Variants in ZPLD1 observed in about 807,000 individuals in gnomAD.
ZPLD1 encodes zona pellucida like domain containing 1, also known as zona pellucida-like domain-containing protein 1.
ZPLD1 carries 34 observed loss-of-function variants against 47.2 expected under a neutral mutation model. The observed-to-expected ratio is 0.72, with a 90% confidence interval of 0.55 to 0.96. The LOEUF (loss-of-function observed/expected upper bound fraction) is 0.96, where lower values mean the gene tolerates loss of function less well. Among genes scored for constraint, ZPLD1 ranks in the 40% least tolerant of loss-of-function variants. ZPLD1 has a pLI of 0.00. For missense variants in ZPLD1, 512 were observed against 505.8 expected, an observed-to-expected ratio of 1.01 and a Z score of -0.12; for synonymous variants, 176 against 186.2, an observed-to-expected ratio of 0.95 and a Z score of 0.45.
chr3:102,385,728 T>G (rs1411632030), intron 6 of ZPLD1, among the ~76,000 whole-genome samples: 2 of 152,242 alleles, frequency 1.3e-5, no homozygotes, highest in African/African-American at 4.8e-5. Flanking sequence ...AAGATTTATT[T>G]TGCTGTCTAA....
intron 7 of ZPLD1, among the ~76,000 whole-genome samples, chr3:102,405,437 T>C (rs897409210): frequency 6.6e-6 from 1 of 152,096 alleles, no homozygotes; most frequent in East Asian, 1.9e-4. Context: ...TTAAATCAGA[T>C]AGACATGTTG....
At chr3:102,475,556 G>C (rs1244967430) in intron 10 of ZPLD1, among the ~76,000 whole-genome samples, 2 of 152,146 alleles carry the variant, frequency 1.3e-5, no homozygotes, top group South Asian at 2.1e-4. Context: ...CTTGGGAAAA[G>C]AGCACATGGA....
chr3:102,409,679 G>T (rs1706728799), intron 7 of ZPLD1, among the ~76,000 whole-genome samples: 1 of 151,722 alleles, frequency 6.6e-6, no homozygotes, highest in African/African-American at 2.4e-5. Flanking sequence ...AATTCCTTAG[G>T]ATGAATATCA....
chr3:102,444,654 A>G (rs1372860253), intron 3 of ZPLD1, among the ~76,000 whole-genome samples: 2 of 152,196 alleles, frequency 1.3e-5, no homozygotes, highest in East Asian at 1.9e-4. Flanking sequence ...ATGGTTTAAA[A>G]AGATGGTATA....
At chr3:102,469,389 G>A (rs771935679) in intron 9 of ZPLD1, among the ~76,000 whole-genome samples, 14 of 152,204 alleles carry the variant, frequency 9.2e-5, no homozygotes, top group Non-Finnish European at 1.6e-4. Context: ...TCATTAGCTA[G>A]TCACAGAAGA....
At chr3:102,400,437 T>C (rs1006769468) in intron 7 of ZPLD1, among the ~76,000 whole-genome samples, 3 of 152,074 alleles carry the variant, frequency 2.0e-5, no homozygotes, top group African/African-American at 7.2e-5. Flanking sequence ...AAGTCTGAGC[T>C]GTGTTTTTCC....
rs147615734 is a variant in ZPLD1 at position 102,453,054 on chromosome 3, G to C, written c.242G>C (p.Gly81Ala). The C allele has an allele frequency of 1.9e-6, 3 of 1,613,852 alleles. No individual in the cohort carries two copies. The highest frequency in any genetic ancestry group is 2.5e-6 in the Non-Finnish European group (3 of 1,179,976). The change falls in exon 4 of 12, where the codon GGG (glycine) becomes GCG (alanine). Residue 81 changes from glycine to alanine, a missense_variant. By Grantham distance (60) the Gly-to-Ala change is moderately conservative. Coordinates refer to ENST00000466937, the MANE Select transcript of ZPLD1 (RefSeq NM_001329788.2). ...AGGCATGGGGACTCCCACTGCAGAG[G>C]GTTCATCAATAACAACACCTTTCCA... ...NGRHGDSHCR[G>A]FINNNTFPAV...
chr3:102,478,727 C>A lies in ZPLD1; in HGVS notation c.*1109C>A, dbSNP rs1256584818. On this transcript the variant is annotated 3_prime_UTR_variant, in exon 12 of 12. Transcript: ENST00000466937. ...CAGTAAACTGCAAGAAGCTTCTGAT[C>A]CTTTATCAGTTTTGCAAAAAAGCAA... 6.6e-6 allele frequency: 1 copy of A among 152,110 alleles called. No individual in the cohort carries two copies. 9.4% of individuals were successfully genotyped at this position (152,110 alleles called of 1,614,324 possible).
At chr3:102,421,734 G>A (rs1357847271) in intron 8 of ZPLD1, among the ~76,000 whole-genome samples, 1 of 151,684 alleles carries the variant, frequency 6.6e-6, no homozygotes, top group Non-Finnish European at 1.5e-5. Flanking sequence ...AAAAAGTACA[G>A]CTGAACCTTG....
At chr3:102,435,787 C>A (rs1707081257) in intron 1 of ZPLD1, among the ~76,000 whole-genome samples, 1 of 152,036 alleles carries the variant, frequency 6.6e-6, no homozygotes, top group South Asian at 2.1e-4. Context: ...GGACTACAGG[C>A]TCCCGCCACC....
intron 8 of ZPLD1, among the ~76,000 whole-genome samples, chr3:102,419,634 G>C (rs1357117004): frequency 1.4e-5 from 2 of 145,258 alleles, no homozygotes; most frequent in Admixed American, 7.0e-5. Context: ...ATAAACGACT[G>C]ATTTTTTTTT....
intron 10 of ZPLD1, among the ~76,000 whole-genome samples, chr3:102,473,072 T>C (rs1250539036): frequency 2.0e-5 from 3 of 152,156 alleles, no homozygotes; most frequent in Non-Finnish European, 4.4e-5. Flanking sequence ...CCATGAGATC[T>C]TGTGAGATTT....
At chr3:102,412,742 T>C (rs1706759540) in intron 7 of ZPLD1, among the ~76,000 whole-genome samples, 1 of 151,724 alleles carries the variant, frequency 6.6e-6, no homozygotes, top group Non-Finnish European at 1.5e-5. Context: ...TCAAGAACTG[T>C]GAGCTCTGTA....
At chr3:102,421,508 G>A (rs974893692) in intron 8 of ZPLD1, among the ~76,000 whole-genome samples, 1 of 151,732 alleles carries the variant, frequency 6.6e-6, no homozygotes, top group Non-Finnish European at 1.5e-5. Context: ...ATGTATTTGT[G>A]CTCATGTATT....
intron 3 of ZPLD1, among the ~76,000 whole-genome samples, chr3:102,446,819 C>T (rs1707262409): frequency 6.6e-6 from 1 of 152,058 alleles, no homozygotes; most frequent in South Asian, 2.1e-4. Flanking sequence ...ATTGTAATTG[C>T]TTACTTTTCT....
intron 7 of ZPLD1, among the ~76,000 whole-genome samples, chr3:102,405,797 T>C (rs1469161738): frequency 6.6e-6 from 1 of 151,998 alleles, no homozygotes; most frequent in East Asian, 1.9e-4. Flanking sequence ...GAGGCCTGGA[T>C]TGGGGGTGAG....
At chr3:102,428,539 A>G (rs904588832) in intron 8 of ZPLD1, among the ~76,000 whole-genome samples, 5 of 151,990 alleles carry the variant, frequency 3.3e-5, no homozygotes, top group African/African-American at 1.2e-4. Flanking sequence ...GTTTCATCTT[A>G]TATGCAAAAG....
chr3:102,459,089 CAAAAAAAAAAAAAA>C (rs767071660), intron 6 of ZPLD1, among the ~76,000 whole-genome samples: 5 of 25,840 alleles, frequency 1.9e-4, no homozygotes, highest in Non-Finnish European at 3.9e-4. Context: ...GACTCCGTCT[CAAAAAAAAAAAAAA>C]AAAAAAAAAA....
chr3:102,447,692 A>G (rs1576153339), intron 3 of ZPLD1, among the ~76,000 whole-genome samples: 2 of 152,234 alleles, frequency 1.3e-5, no homozygotes, highest in Admixed American at 6.5e-5. Flanking sequence ...AAGCCTCACC[A>G]TGAGCCTCAG....
Sources: allele counts gnomAD v4.1 joint callset (sites outside exome capture counted in the v4.1 genomes callset), GRCh38; gene constraint gnomAD v4.1.1; transcripts MANE v1.5; gene names NCBI Gene and HGNC (gene_info 2026-07-23, HGNC 2026-07-21).